TPPP: variants seen among roughly 807,000 people sequenced by gnomAD.
TPPP encodes tubulin polymerization-promoting protein.
TPPP carries 6 observed loss-of-function variants against 15.5 expected under a neutral mutation model. The ratio of observed to expected loss-of-function variants is 0.39; its 90% CI spans 0.21 to 0.77. TPPP has a LOEUF of 0.77. Among genes scored for constraint, TPPP ranks in the 30% least tolerant of loss-of-function variants. The pLI is 0.42. For synonymous variants in TPPP, 146 were observed against 133.9 expected (o/e 1.09, Z -0.63); for missense variants, 269 against 307.2 (o/e 0.88, Z 0.93).
At chr5:700,564 G>T in the TPPP span, among the ~76,000 whole-genome samples, 3 of 152,054 alleles carry the variant, frequency 2.0e-5, no homozygotes, top group Non-Finnish European at 2.9e-5. Context: ...GAAGAAATCT[G>T]CACTTCTACC....
chr5:694,392 T>C (rs1357290810), upstream of TPPP, among the ~76,000 whole-genome samples: 2 of 126,970 alleles, frequency 1.6e-5, no homozygotes, highest in East Asian at 2.2e-4. Context: ...AGCTGGACTC[T>C]AGTGCAGCTG....
chr5:700,423 C>T, the TPPP span, among the ~76,000 whole-genome samples: 1 of 151,928 alleles, frequency 6.6e-6, no homozygotes, highest in Non-Finnish European at 1.5e-5. Context: ...TAAGATGACA[C>T]TGGACACTCC....
At chr5:669,645 T>A (rs1740123950) in intron 2 of TPPP, among the ~76,000 whole-genome samples, 1 of 152,118 alleles carries the variant, frequency 6.6e-6, no homozygotes, top group Non-Finnish European at 1.5e-5. Context: ...ACCACCAGCA[T>A]GAGTCACTCG....
chr5:696,080 C>T (rs1332621113), upstream of TPPP, among the ~76,000 whole-genome samples: 5 of 104,648 alleles, frequency 4.8e-5, no homozygotes, highest in African/African-American at 1.3e-4. Context: ...CTGGCACCCG[C>T]GCCCACCCCT....
chr5:684,453 A>G (rs886880828), intron 1 of TPPP, among the ~76,000 whole-genome samples: 5 of 151,414 alleles, frequency 3.3e-5, no homozygotes, highest in Admixed American at 6.6e-5. Flanking sequence ...CTGGAGACCC[A>G]GAGGACAAGG....
intron 1 of TPPP, chr5:692,919 G>T (rs1740930783): frequency 1.1e-6 from 1 of 905,968 alleles, no homozygotes; most frequent in Non-Finnish European, 1.3e-6. Flanking sequence ...GTCCCGAGCT[G>T]GGGAGGGTCT....
intron 3 of TPPP, 47 bp from the exon 4 acceptor site, chr5:665,343 T>A (rs754282882): frequency 1.3e-6 from 2 of 1,558,200 alleles, no homozygotes; most frequent in South Asian, 2.3e-5. Context: ...GCGAGCCAGG[T>A]GAGGCCAGCA....
intron 2 of TPPP, among the ~76,000 whole-genome samples, chr5:672,837 C>G (rs1740270706): frequency 6.6e-6 from 1 of 152,224 alleles, no homozygotes; most frequent in African/African-American, 2.4e-5. Context: ...TAACAGTAGG[C>G]TTCAACAAAA....
intron 1 of TPPP, among the ~76,000 whole-genome samples, chr5:681,309 G>A (rs1014474331): frequency 1.3e-5 from 2 of 152,172 alleles, no homozygotes; most frequent in Non-Finnish European, 2.9e-5. Flanking sequence ...AAGACAAACT[G>A]CTCACCTGGG....
intron 2 of TPPP, among the ~76,000 whole-genome samples, chr5:675,402 C>G: frequency 1.0e-5 from 1 of 97,218 alleles, no homozygotes; most frequent in Non-Finnish European, 2.0e-5. Context: ...TGCAGTGTGG[C>G]CAGGGGTGCA....
chr5:684,615 CGAG>C (rs1740718634), intron 1 of TPPP, among the ~76,000 whole-genome samples: 1 of 152,052 alleles, frequency 6.6e-6, no homozygotes, highest in African/African-American at 2.4e-5. Context: ...GCCCTCCTGC[CGAG>C]GAGGTGCTTC....
chr5:662,771 C>A lies in TPPP; in HGVS notation c.*2331G>T. 1 of 152,612 alleles carries A rather than the reference C, an allele frequency of 6.6e-6. No homozygotes were observed. The allele number at this position is 152,612 out of a possible 1,614,324, so 9.5% of individuals were successfully genotyped here. A position where few individuals can be genotyped will look rare whatever the true frequency, so the allele number is the denominator to read the frequency against. On this transcript the variant is annotated 3_prime_UTR_variant, in exon 4 of 4. Transcript: ENST00000360578. ...GTCTCAGGCTTCGGGACCTGGGGAG[C>A]CACCCTGTTTGGTGACCACTCGTCC...
intron 2 of TPPP, among the ~76,000 whole-genome samples, chr5:672,891 T>C (rs947559553): frequency 6.6e-6 from 1 of 152,202 alleles, no homozygotes; most frequent in African/African-American, 2.4e-5. Context: ...ATTTAACACA[T>C]AGTAACATCA....
At position 662,168 on chromosome 5, in the gene TPPP, C is replaced by G. The variant is rs1432509097; in HGVS notation, c.*2934G>C. On this transcript the variant is annotated 3_prime_UTR_variant, in exon 4 of 4. Transcript: ENST00000360578. Reference sequence around the variant, plus strand: ...GGGGCCAAGATGGGAGCCATGAGCCCCGCCGCTCCGGCCACTCCAGCCAGG... The same window carrying G: ...GGGGCCAAGATGGGAGCCATGAGCCGCGCCGCTCCGGCCACTCCAGCCAGG... The G allele has an allele frequency of 6.6e-6, 1 of 152,408 alleles. No individual in the cohort carries two copies. The highest frequency in any genetic ancestry group is 1.5e-5 in the Non-Finnish European group (1 of 68,210). 9.4% of individuals were successfully genotyped at this position (152,408 alleles called of 1,614,324 possible).
chr5:686,730 GAGAGA>G (rs1336864633), intron 1 of TPPP, among the ~76,000 whole-genome samples: 2 of 147,740 alleles, frequency 1.4e-5, no homozygotes, highest in Admixed American at 6.8e-5. Flanking sequence ...AGAAGACACA[GAGAGA>G]AGAGAAGAAG....
In TPPP at chr5:663,619, T is replaced by A. The variant is rs1167075992; in HGVS notation, c.*1483A>T. On this transcript the variant is annotated 3_prime_UTR_variant, in exon 4 of 4. Coordinates refer to ENST00000360578, the MANE Select transcript of TPPP (RefSeq NM_007030.3). ...AGCTGTGGCCGCAGCAGGTGCACTC[T>A]TGGGAGTCGGGGAGGCGGGTGGTGC... 2.8e-5 allele frequency: 4 copies of A among 143,872 alleles called. No individual in the cohort carries two copies. The highest frequency in any genetic ancestry group is 2.7e-4 in the Admixed American group (4 of 14,680). The allele number at this position is 143,872 out of a possible 1,614,324, so 8.9% of individuals were successfully genotyped here. A position where few individuals can be genotyped will look rare whatever the true frequency, so the allele number is the denominator to read the frequency against.
intron 2 of TPPP, among the ~76,000 whole-genome samples, chr5:676,928 A>T (rs1423096516): frequency 6.9e-6 from 1 of 144,662 alleles, no homozygotes; most frequent in African/African-American, 2.8e-5. Flanking sequence ...GCAGAAACGC[A>T]CGCGCGCACA....
intron 1 of TPPP, 43 bp from the exon 2 acceptor site, chr5:678,107 C>T (rs1398677342): frequency 1.4e-6 from 2 of 1,453,690 alleles, no homozygotes; most frequent in Non-Finnish European, 1.8e-6. Flanking sequence ...CGGGCCATGT[C>T]CCAGCTGAGC....
intron 2 of TPPP, among the ~76,000 whole-genome samples, chr5:670,404 TG>T (rs1740176328): frequency 6.6e-6 from 1 of 152,212 alleles, no homozygotes; most frequent in East Asian, 1.9e-4. Flanking sequence ...CTGGGGGCTG[TG>T]GAGGGGAATC....
Sources: gnomAD v4.1 joint callset for allele counts (sites outside exome capture counted in the v4.1 genomes callset) on GRCh38, gnomAD v4.1.1 for gene constraint, MANE v1.5 for transcripts, NCBI Gene and HGNC (gene_info 2026-07-23, HGNC 2026-07-21) for gene names.